Variants in C20orf203 observed in about 807,000 individuals in gnomAD.
C20orf203 encodes the protein uncharacterized protein C20orf203.
In C20orf203, 16 loss-of-function variants were observed where a neutral mutation model predicts 15.9. The observed-to-expected ratio is 1.01, with a 90% CI of 0.68 to 1.53. The LOEUF (loss-of-function observed/expected upper bound fraction) is 1.53. C20orf203 is among the 40% of genes most tolerant of loss of function. The pLI is 0.00. For missense variants in C20orf203, 263 were observed against 247.5 expected (o/e 1.06, Z -0.42); for synonymous variants, 98 against 97.2 (o/e 1.01, Z -0.05).
In C20orf203 at chr20:32,650,863, C is replaced by A; in HGVS notation, c.154G>T (p.Gly52Ter). ...AGGTCCCAGAGGTGGGCAGTGAGTCCAGCCAAGACTGATGTGGCCTGTTGG... is the reference window on the plus strand; with the variant it reads ...AGGTCCCAGAGGTGGGCAGTGAGTCAAGCCAAGACTGATGTGGCCTGTTGG... ...MLSRATSVLAGLTAHLWDLGG... is the reference protein window; with the variant it reads ...MLSRATSVLA Residue 52 changes from glycine (G) to a stop codon, truncating the protein, a stop_gained, in exon 4 of 6, where the codon GGA becomes TGA. Transcript: ENST00000608990. LOFTEE classifies it high-confidence loss of function. The A allele has an allele frequency of 1.4e-6, 2 of 1,455,604 alleles. No individual in the cohort carries two copies. The highest frequency in any genetic ancestry group is 2.9e-5 in the South Asian group (2 of 69,514). 90.2% of individuals were successfully genotyped at this position (1,455,604 alleles called of 1,614,324 possible). A position where few individuals can be genotyped will look rare whatever the true frequency, so the allele number is the denominator to read the frequency against.
chr20:32,647,094 G>A (rs1286488940), intron 4 of C20orf203, among the ~76,000 whole-genome samples: 8 of 152,076 alleles, frequency 5.3e-5, no homozygotes, highest in Non-Finnish European at 1.0e-4. Context: ...TAACTATAAG[G>A]ATTAAAATAA....
intron 1 of C20orf203, among the ~76,000 whole-genome samples, chr20:32,666,212 A>T (rs1256455482): frequency 6.6e-6 from 1 of 151,200 alleles, no homozygotes; most frequent in Non-Finnish European, 1.5e-5. Context: ...CTCATGTGTA[A>T]TCTCAGCATT....
At position 32,673,204 on chromosome 20, in the gene C20orf203, C is replaced by T. The variant is rs1034049490; in HGVS notation, c.-264+428G>A. Among the ~76,000 whole-genome samples, 27 of 152,126 alleles carry T rather than the reference C, an allele frequency of 1.8e-4. 1 individual carries two copies. The highest frequency in any genetic ancestry group is 7.7e-4 in the East Asian group (4 of 5,180). On this transcript the variant is annotated intron_variant, in intron 1 of 5. Coordinates refer to ENST00000608990, the MANE Select transcript of C20orf203 (RefSeq NM_182584.4). ...TGAGGAGCCCCAGGGCTGGTACAAA[C>T]GGCAGGAAGAGGCTGAGCTGGGCCC...
Position 32,650,498 on chromosome 20 carries a change from C to A in C20orf203, c.519G>T (p.Lys173Asn). The A allele has an allele frequency of 6.4e-7, 1 of 1,550,568 alleles. No individual in the cohort carries two copies. Among genetic ancestry groups the A allele is most frequent in the South Asian group, 1.2e-5 (1 of 84,062 alleles). Residue 173 changes from lysine to asparagine, a missense_variant, in exon 4 of 6, where the codon AAG becomes AAT. By Grantham distance (94) the Lys-to-Asn change is moderately conservative (BLOSUM62 0). Transcript: ENST00000608990. ...QDFCLPSLPG[K>N]LPAPLISKQQ... ...GCTTGCTAATTAAAGGTGCAGGCAA[C>A]TTGCCTGGCAAGGATGGGAGGCAGA...
chr20:32,668,519 G>C (rs954595749), intron 1 of C20orf203, among the ~76,000 whole-genome samples: 1 of 151,948 alleles, frequency 6.6e-6, no homozygotes, highest in Non-Finnish European at 1.5e-5. Flanking sequence ...CCAGCTACTC[G>C]GGAGGGTGAG....
chr20:32,653,206 T>C (rs1050238664), intron 1 of C20orf203, among the ~76,000 whole-genome samples: 1 of 152,128 alleles, frequency 6.6e-6, no homozygotes, highest in Non-Finnish European at 1.5e-5. Flanking sequence ...GGACCACTCT[T>C]TCCACTACAC....
At chr20:32,638,283 A>T (rs1982192405) in intron 5 of C20orf203, among the ~76,000 whole-genome samples, 1 of 152,222 alleles carries the variant, frequency 6.6e-6, no homozygotes, top group East Asian at 1.9e-4. Flanking sequence ...ATGTTTTCTC[A>T]GTTAATTCTC....
chr20:32,655,541 C>T (rs924600191), intron 1 of C20orf203, among the ~76,000 whole-genome samples: 2 of 152,126 alleles, frequency 1.3e-5, no homozygotes, highest in African/African-American at 4.8e-5. Context: ...TCCTGTAATC[C>T]CAGCACTTTG....
At chr20:32,643,196 C>T (rs1982331755) in intron 4 of C20orf203, among the ~76,000 whole-genome samples, 1 of 152,216 alleles carries the variant, frequency 6.6e-6, no homozygotes, top group African/African-American at 2.4e-5. Context: ...CAGCCTCTGA[C>T]TCAGGCAGCC....
intron 5 of C20orf203, among the ~76,000 whole-genome samples, chr20:32,639,921 C>T (rs568373799): frequency 7.9e-5 from 12 of 152,270 alleles, no homozygotes; most frequent in African/African-American, 2.2e-4. Context: ...GAGTGTTTTC[C>T]AAGGGTTGGG....
At chr20:32,637,953 T>C (rs956808220) in intron 5 of C20orf203, among the ~76,000 whole-genome samples, 3 of 151,958 alleles carry the variant, frequency 2.0e-5, no homozygotes, top group African/African-American at 7.3e-5. Context: ...TATGGGCGTG[T>C]GTGTGCGCCC....
chr20:32,670,199 A>G (rs1434741103), intron 1 of C20orf203, among the ~76,000 whole-genome samples: 1 of 144,228 alleles, frequency 6.9e-6, no homozygotes, highest in African/African-American at 2.6e-5. Flanking sequence ...AACAACAGTG[A>G]AACTGCGTTT....
At chr20:32,660,353 G>C (rs1323510529) in intron 1 of C20orf203, among the ~76,000 whole-genome samples, 2 of 152,160 alleles carry the variant, frequency 1.3e-5, no homozygotes, top group African/African-American at 4.8e-5. Context: ...GGTTTCAGGG[G>C]ATCTGTAACT....
At chr20:32,665,676 T>A (rs1029027010) in intron 1 of C20orf203, among the ~76,000 whole-genome samples, 13 of 151,786 alleles carry the variant, frequency 8.6e-5, no homozygotes, top group Non-Finnish European at 1.6e-4. Context: ...GACAAAAAGG[T>A]TTTTTAAGGC....
chr20:32,641,516 T>C (rs931123140), intron 4 of C20orf203, among the ~76,000 whole-genome samples: 1 of 152,224 alleles, frequency 6.6e-6, no homozygotes, highest in Non-Finnish European at 1.5e-5. Flanking sequence ...ATGATAATTC[T>C]ATGTTTAAAC....
At chr20:32,638,737 A>C (rs1982201888) in intron 5 of C20orf203, among the ~76,000 whole-genome samples, 1 of 152,230 alleles carries the variant, frequency 6.6e-6, no homozygotes, top group African/African-American at 2.4e-5. Context: ...CTCCTGAAAA[A>C]TGGCCACAGA....
chr20:32,642,654 T>C (rs1338436929), intron 4 of C20orf203, among the ~76,000 whole-genome samples: 2 of 152,078 alleles, frequency 1.3e-5, no homozygotes, highest in East Asian at 1.9e-4. Flanking sequence ...AGCCTATCTG[T>C]CTAGGGGCTT....
intron 1 of C20orf203, among the ~76,000 whole-genome samples, chr20:32,673,039 A>G (rs1324854625): frequency 3.9e-5 from 6 of 152,116 alleles, no homozygotes; most frequent in African/African-American, 1.4e-4. Context: ...TGGCCATAAA[A>G]GAAGCCCCCT....
Position 32,651,816 on chromosome 20 carries a change from G to A in C20orf203, c.-98C>T, listed in dbSNP as rs936756571. On this transcript the variant is annotated 5_prime_UTR_variant, in exon 2 of 6. Coordinates refer to ENST00000608990, the MANE Select transcript of C20orf203 (RefSeq NM_182584.4). ...GACTTCTGCAAAGCCACACCACTAC[G>A]GAAGAGGAAGAGGCAGCCTTGGATC... is the stretch of plus-strand genomic sequence containing the variant. 9 of 152,276 alleles carry A rather than the reference G, an allele frequency of 5.9e-5. No individual in the cohort carries two copies. The highest frequency in any genetic ancestry group is 1.7e-4 in the African/African-American group (7 of 41,442). 9.4% of individuals were successfully genotyped at this position (152,276 alleles called of 1,614,324 possible). A position where few individuals can be genotyped will look rare whatever the true frequency, so the allele number is the denominator to read the frequency against.
Sources: gnomAD v4.1 joint callset for allele counts (sites outside exome capture counted in the v4.1 genomes callset) on GRCh38, gnomAD v4.1.1 for gene constraint, MANE v1.5 for transcripts, NCBI Gene and HGNC (gene_info 2026-07-23, HGNC 2026-07-21) for gene names.